The following WT1 variants were observed in gnomAD, a reference collection of about 807,000 sequenced individuals.
WT1 encodes the protein Wilms tumor protein.
Under a neutral mutation model 60.8 loss-of-function variants are expected in WT1, and 8 were observed. That is an observed-to-expected ratio of 0.13 (90% confidence interval 0.08 to 0.24). The LOEUF (loss-of-function observed/expected upper bound fraction) is 0.24, where lower values mean the gene tolerates loss of function less well. Ranked by LOEUF, WT1 falls within the 10% of genes least tolerant of loss-of-function variation. WT1 has a pLI of 1.00. For missense variants in WT1, 568 were observed against 711.8 expected (o/e 0.80, Z 2.30); for synonymous variants, 312 against 297.1 (o/e 1.05, Z -0.52).
intron 3 of WT1, among the ~76,000 whole-genome samples, chr11:32,425,666 C>T (rs1853010695): frequency 6.6e-6 from 1 of 152,138 alleles, no homozygotes; most frequent in Non-Finnish European, 1.5e-5. Context: ...GCACAAATTC[C>T]AAGGGAACAA....
intron 7 of WT1, 24 bp from the exon 8 acceptor site, chr11:32,392,779 T>A (rs1215156211): frequency 6.2e-7 from 1 of 1,608,702 alleles, no homozygotes. Context: ...CATATTCTAT[T>A]TGAAAATGAT....
intron 9 of WT1, among the ~76,000 whole-genome samples, chr11:32,390,969 T>C (rs1376406813): frequency 1.6e-5 from 2 of 126,384 alleles, no homozygotes; most frequent in East Asian, 8.0e-4. Context: ...CCTCATTTTT[T>C]TTTGTTTGTT....
At chr11:32,414,555 G>A (rs187912152) in intron 5 of WT1, among the ~76,000 whole-genome samples, 159 of 152,280 alleles carry the variant, frequency 1.0e-3, no homozygotes, top group African/African-American at 3.3e-3. Context: ...GATTATAGGC[G>A]TGAGCCACCA....
At position 32,434,749 on chromosome 11, in the gene WT1, C is replaced by A. The variant is rs2133101498; in HGVS notation, c.612G>T (p.Ala204=). ...TCTCGAGGCAGCTGGGCAGGTAGGG[C>A]GCGTTAGGAAACATCCTGGCCTGGC... The change falls in exon 1 of 10, where the codon GCG becomes GCT. Residue 204 remains alanine (A), a synonymous_variant. Transcript: ENST00000452863. 1 of 1,612,888 alleles carries A rather than the reference C, an allele frequency of 6.2e-7. No individual in the cohort carries two copies.
chr11:32,394,416 C>T (rs1851905859), intron 7 of WT1, among the ~76,000 whole-genome samples: 1 of 152,166 alleles, frequency 6.6e-6, no homozygotes, highest in South Asian at 2.1e-4. Flanking sequence ...CCCTCCAAAC[C>T]CCTCGGTACC....
chr11:32,389,164 C>A lies in WT1; in HGVS notation c.1463G>T (p.Ser488Ile), dbSNP rs267602849. 1 of 1,614,130 alleles carries A rather than the reference C, an allele frequency of 6.2e-7. No individual in the cohort carries two copies. The highest frequency in any genetic ancestry group is 2.2e-5 in the East Asian group (1 of 44,882). Residue 488 changes from serine to isoleucine, a missense_variant, in exon 10 of 10, where the codon AGC (serine) becomes ATC (isoleucine). Ser to Ile is a moderately radical substitution (Grantham distance 142). Coordinates refer to ENST00000452863, the MANE Select transcript of WT1 (RefSeq NM_024426.6). The stretch of plus-strand genomic sequence containing the variant: ...TTTCTGACAACTTGGCCACCGACAG[C>A]TGAAGGGCTTTTCACCTGTTGACAC...
chr11:32,408,002 C>A (rs1443170971), intron 5 of WT1, among the ~76,000 whole-genome samples: 2 of 152,036 alleles, frequency 1.3e-5, no homozygotes, highest in Non-Finnish European at 2.9e-5. Context: ...GCAGGCGGAT[C>A]ATTTGAGGTC....
rs1185436221 is a variant in WT1, at chr11:32,435,213, C to G, written c.148G>C (p.Ala50Pro). ...AGACGTTCAGCGCTGGCCTCGGCGGCGCCTAACTTGGCCCAGATGCCGCCC... is the reference window on the plus strand; with the variant it reads ...AGACGTTCAGCGCTGGCCTCGGCGGGGCCTAACTTGGCCCAGATGCCGCCC... The change falls in exon 1 of 10, where the codon GCC becomes CCC. Residue 50 changes from alanine to proline, a missense_variant. Coordinates refer to ENST00000452863, the MANE Select transcript of WT1 (RefSeq NM_024426.6). The G allele has an allele frequency of 6.5e-7, 1 of 1,533,586 alleles. No individual in the cohort carries two copies. Among genetic ancestry groups the G allele is most frequent in the Non-Finnish European group, 8.7e-7 (1 of 1,145,812 alleles). The allele number at this position is 1,533,586 out of a possible 1,614,324, so 95.0% of individuals were successfully genotyped here.
intron 8 of WT1, among the ~76,000 whole-genome samples, chr11:32,392,361 C>A (rs1851842886): frequency 6.6e-6 from 1 of 152,220 alleles, no homozygotes. Flanking sequence ...AAGTGAATCA[C>A]ACGCTACAAA....
chr11:32,413,848 A>G (rs1399529656), intron 5 of WT1, among the ~76,000 whole-genome samples: 1 of 152,228 alleles, frequency 6.6e-6, no homozygotes, highest in Non-Finnish European at 1.5e-5. Flanking sequence ...TCTAGGGCCC[A>G]GGTCCTGGAG....
At chr11:32,422,829 T>C (rs11031775) in intron 3 of WT1, among the ~76,000 whole-genome samples, 57,796 of 152,134 alleles carry the variant, frequency 0.38, 12,012 homozygotes, top group East Asian at 0.74. Flanking sequence ...GGAAATATCT[T>C]CATTTAAATT....
chr11:32,413,761 T>C (rs1012099554), intron 5 of WT1, among the ~76,000 whole-genome samples: 1 of 152,230 alleles, frequency 6.6e-6, no homozygotes, highest in Non-Finnish European at 1.5e-5. Flanking sequence ...CATGTGTGTA[T>C]ATGGGATCTC....
intron 3 of WT1, among the ~76,000 whole-genome samples, chr11:32,424,946 G>A (rs576635832): frequency 3.9e-5 from 6 of 152,294 alleles, no homozygotes; most frequent in African/African-American, 1.4e-4. Context: ...TCGAGGCCAA[G>A]GTGGGCAGAT....
chr11:32,392,564 A>G (rs1851848394), intron 8 of WT1, 102 bp downstream of exon 8: 6 of 1,144,014 alleles, frequency 5.2e-6, no homozygotes, highest in Admixed American at 3.7e-5. Flanking sequence ...AACTAAACAC[A>G]TGGCTGACTC....
At position 32,388,957 on chromosome 11, in the gene WT1, C is replaced by T. The variant is rs2132895847; in HGVS notation, c.*101G>A. On this transcript the variant is annotated 3_prime_UTR_variant, in exon 10 of 10. Transcript: ENST00000452863. ...TTGGAAGTTGGATGAAGAAGATCAACTGAAGTTTCCTTTTTAGTGAGGAGG... is the reference window on the plus strand; with the variant it reads ...TTGGAAGTTGGATGAAGAAGATCAATTGAAGTTTCCTTTTTAGTGAGGAGG... 1 of 1,592,906 alleles carries T rather than the reference C, an allele frequency of 6.3e-7. No homozygotes were observed. The highest frequency in any genetic ancestry group is 1.7e-5 in the Admixed American group (1 of 59,358).
intron 5 of WT1, among the ~76,000 whole-genome samples, chr11:32,416,017 G>C (rs780903091): frequency 6.6e-6 from 1 of 152,132 alleles, no homozygotes; most frequent in Non-Finnish European, 1.5e-5. Context: ...GGGAAGGTGC[G>C]AATGTTTGGG....
At chr11:32,431,746 T>TGGG (rs1853319730) in intron 1 of WT1, among the ~76,000 whole-genome samples, 1 of 152,008 alleles carries the variant, frequency 6.6e-6, no homozygotes, top group Non-Finnish European at 1.5e-5. Context: ...CCTTAAGCCT[T>TGGG]GCATCTAGTC....
At chr11:32,409,736 G>A (rs991144322) in intron 5 of WT1, among the ~76,000 whole-genome samples, 14 of 151,542 alleles carry the variant, frequency 9.2e-5, no homozygotes, top group African/African-American at 2.2e-4. Flanking sequence ...ATGAGCCACC[G>A]AGCCTGGCAG....
chr11:32,391,665 G>C (rs979184479), intron 9 of WT1, among the ~76,000 whole-genome samples: 2 of 152,218 alleles, frequency 1.3e-5, no homozygotes, highest in African/African-American at 4.8e-5. Context: ...TCGTATCAAA[G>C]AGAGTAACAA....
Sources: gnomAD v4.1 joint callset for allele counts (sites outside exome capture counted in the v4.1 genomes callset) on GRCh38, gnomAD v4.1.1 for gene constraint, MANE v1.5 for transcripts, NCBI Gene and HGNC (gene_info 2026-07-23, HGNC 2026-07-21) for gene names.